The following CRIM1 variants were observed in gnomAD, a reference collection of about 807,000 sequenced individuals.
CRIM1 encodes cysteine rich transmembrane BMP regulator 1, also known as cysteine-rich motor neuron 1 protein.
A neutral mutation model predicts 116.4 loss-of-function variants in CRIM1; 32 were observed. The observed-to-expected ratio is 0.27, with a 90% confidence interval of 0.21 to 0.37. The LOEUF is 0.37. CRIM1 is among the 10% of genes least tolerant of loss of function. CRIM1 has a pLI of 1.00. For synonymous variants in CRIM1, 590 were observed against 509.2 expected, an observed-to-expected ratio of 1.16 and a Z score of -2.13; for missense variants, 1,331 against 1,354.8, an observed-to-expected ratio of 0.98 and a Z score of 0.28.
chr2:36,442,465 G>A lies in CRIM1; in HGVS notation c.749-150G>A, dbSNP rs763636225. On this transcript the variant is annotated intron_variant, in intron 3 of 16. Transcript: ENST00000280527. ...ATTTGAGGAATATTGCAGTTCTATAGCATTAACTGGAGTAACATGTCGACA... is the reference window on the plus strand; with the variant it reads ...ATTTGAGGAATATTGCAGTTCTATAACATTAACTGGAGTAACATGTCGACA... 9.9e-5 allele frequency: 81 copies of A among 822,016 alleles called. No homozygotes were observed. In the Middle Eastern group the frequency reaches 3.4e-3, roughly 35 times the overall value. 50.9% of individuals were successfully genotyped at this position (822,016 alleles called of 1,614,324 possible). A position where few individuals can be genotyped will look rare whatever the true frequency, so the allele number is the denominator to read the frequency against.
chr2:36,363,631 AT>A (rs1241270700), intron 1 of CRIM1, among the ~76,000 whole-genome samples: 1 of 146,504 alleles, frequency 6.8e-6, no homozygotes, highest in Non-Finnish European at 1.5e-5. Flanking sequence ...TTTTGCATTG[AT>A]TTGTAGGAAT....
At position 36,537,414 on chromosome 2, in the gene CRIM1, C is replaced by T. The variant is rs923879556; in HGVS notation, c.2491C>T (p.Arg831Trp). Residue 831 changes from arginine to tryptophan, a missense_variant, in exon 14 of 17, where the codon CGG becomes TGG. This residue lies in a region of CRIM1 where 358 missense variants were observed against 436.1 expected (regional missense o/e 0.82). Transcript: ENST00000280527. ...FSGKAYADEE[R>W]WDLDSCTHCY... ...TGGGAAGGCCTATGCCGACGAGGAGCGGTGGGACCTTGACAGCTGCACCCA... is the reference window on the plus strand; with the variant it reads ...TGGGAAGGCCTATGCCGACGAGGAGTGGTGGGACCTTGACAGCTGCACCCA... 9 of 1,614,204 alleles carry T rather than the reference C, an allele frequency of 5.6e-6. No individual in the cohort carries two copies. Among genetic ancestry groups the T allele is most frequent in the Non-Finnish European group, 6.8e-6 (8 of 1,180,026 alleles).
rs56084308 is a variant in CRIM1, at chr2:36,474,847, C to CAAAAAAAAAAAAAAAAAA, written c.992-2040_992-2023dup. Among the ~76,000 whole-genome samples the CAAAAAAAAAAAAAAAAAA allele has an allele frequency of 3.9e-4, 35 of 90,716 alleles. 2 individuals are homozygous for CAAAAAAAAAAAAAAAAAA. The highest frequency in any genetic ancestry group is 1.3e-3 in the African/African-American group (30 of 22,618). 59.5% of individuals were successfully genotyped at this position (90,716 alleles called of 152,430 possible). ...TGGGTGACAGAGTGAGACTCTATATCAAAAAAAAAAAAAAAAAAAGACTTT... is the reference window on the plus strand; with the variant it reads ...TGGGTGACAGAGTGAGACTCTATATCAAAAAAAAAAAAAAAAAAAAAAAAAAAAAAAAAAAAAGACTTT... On this transcript the variant is annotated intron_variant, in intron 5 of 16. Coordinates refer to ENST00000280527, the MANE Select transcript of CRIM1 (RefSeq NM_016441.3).
chr2:36,456,466 A>G (rs1380108557), intron 4 of CRIM1, among the ~76,000 whole-genome samples: 2 of 152,200 alleles, frequency 1.3e-5, no homozygotes, highest in African/African-American at 4.8e-5. Flanking sequence ...TCCTTTCCAC[A>G]GCGTGATGTG....
intron 1 of CRIM1, among the ~76,000 whole-genome samples, chr2:36,364,802 A>C (rs2148287334): frequency 6.6e-6 from 1 of 152,330 alleles, no homozygotes; most frequent in African/African-American, 2.4e-5. Context: ...AGAGATTTAT[A>C]TATATGATTA....
intron 1 of CRIM1, among the ~76,000 whole-genome samples, chr2:36,363,249 C>G (rs71437551): frequency 2.0e-5 from 3 of 151,462 alleles, no homozygotes; most frequent in African/African-American, 7.3e-5. Flanking sequence ...AATCTGCACT[C>G]TGCTTCTGTG....
intron 4 of CRIM1, among the ~76,000 whole-genome samples, chr2:36,463,871 C>T (rs561249646): frequency 6.6e-6 from 1 of 152,278 alleles, no homozygotes; most frequent in South Asian, 2.1e-4. Flanking sequence ...AGACTTTCAG[C>T]TTCCAAGATA....
chr2:36,359,690 G>A (rs1480751816), intron 1 of CRIM1, among the ~76,000 whole-genome samples: 6 of 152,120 alleles, frequency 3.9e-5, no homozygotes, highest in Non-Finnish European at 2.9e-5. Context: ...TTTCTTTTCC[G>A]CATTGTTTAG....
intron 4 of CRIM1, among the ~76,000 whole-genome samples, chr2:36,443,440 C>T (rs1676010491): frequency 6.6e-6 from 1 of 152,154 alleles, no homozygotes. Flanking sequence ...GTAGGGTTTA[C>T]AGTCTGTTTT....
At chr2:36,451,971 C>A (rs1676766631) in intron 4 of CRIM1, among the ~76,000 whole-genome samples, 1 of 152,136 alleles carries the variant, frequency 6.6e-6, no homozygotes, top group African/African-American at 2.4e-5. Context: ...TTGCTTATAT[C>A]ATGCCTACTC....
chr2:36,383,395 C>T (rs1572606646), intron 1 of CRIM1, among the ~76,000 whole-genome samples: 1 of 152,204 alleles, frequency 6.6e-6, no homozygotes, highest in African/African-American at 2.4e-5. Context: ...GCATCTCAAT[C>T]ATTCCCAAAA....
rs769318074 is a variant in CRIM1, at chr2:36,477,084, G to C, written c.1174+13G>C. ...CCAGTGTGTGAAGGTAAGAAAAGGT[G>C]CTAATTACAGATTAACAGGAGCATA... On this transcript the variant is annotated intron_variant, in intron 6 of 16. Coordinates refer to ENST00000280527, the MANE Select transcript of CRIM1 (RefSeq NM_016441.3). 2 of 1,591,462 alleles carry C rather than the reference G, an allele frequency of 1.3e-6. No homozygotes were observed. Among genetic ancestry groups the C allele is most frequent in the Non-Finnish European group, 1.7e-6 (2 of 1,167,870 alleles).
At chr2:36,538,121 A>C (rs1666684222) in intron 14 of CRIM1, among the ~76,000 whole-genome samples, 1 of 152,124 alleles carries the variant, frequency 6.6e-6, no homozygotes, top group African/African-American at 2.4e-5. Flanking sequence ...GGCTGTTGTG[A>C]ATCCCCATGC....
chr2:36,544,866 G>C (rs998184044), intron 15 of CRIM1, among the ~76,000 whole-genome samples: 1 of 152,152 alleles, frequency 6.6e-6, no homozygotes, highest in East Asian at 1.9e-4. Flanking sequence ...ATTAGTCACT[G>C]TCTCTTGTAG....
chr2:36,451,326 C>A (rs1179812664), intron 4 of CRIM1, among the ~76,000 whole-genome samples: 1 of 152,090 alleles, frequency 6.6e-6, no homozygotes, highest in East Asian at 1.9e-4. Context: ...CATCTGCCCT[C>A]AAGGAAAGAA....
rs779945094 is a variant in CRIM1, at chr2:36,550,307, T to C, written c.*1606T>C. 2.6e-5 allele frequency: 4 copies of C among 152,332 alleles called. No homozygotes were observed. The highest frequency in any genetic ancestry group is 9.7e-5 in the African/African-American group (4 of 41,306). 9.4% of individuals were successfully genotyped at this position (152,332 alleles called of 1,614,324 possible). ...TATTGTCCACAATAAGCTGGAAGTT[T>C]GTTGTAGTATGCCTCAAATATAACT... On this transcript the variant is annotated 3_prime_UTR_variant, in exon 17 of 17. Coordinates refer to ENST00000280527, the MANE Select transcript of CRIM1 (RefSeq NM_016441.3).
At chr2:36,529,160 A>G (rs1309435972) in intron 13 of CRIM1, 1 of 471,350 alleles carries the variant, frequency 2.1e-6, no homozygotes, top group Admixed American at 2.3e-5. Context: ...CAGGAGGCCA[A>G]ACCTGATTTT....
At chr2:36,401,231 AGT>A (rs538604220) in intron 2 of CRIM1, among the ~76,000 whole-genome samples, 123 of 152,326 alleles carry the variant, frequency 8.1e-4, no homozygotes, top group Admixed American at 1.5e-3. Flanking sequence ...AATTTTACTC[AGT>A]GTTTTCTTTT....
intron 2 of CRIM1, among the ~76,000 whole-genome samples, chr2:36,428,720 T>C (rs1179774656): frequency 6.6e-6 from 1 of 152,220 alleles, no homozygotes; most frequent in Non-Finnish European, 1.5e-5. Flanking sequence ...TATTACTTGT[T>C]TGAGTGTTTC....
Sources: allele counts gnomAD v4.1 joint callset (sites outside exome capture counted in the v4.1 genomes callset), GRCh38; gene constraint gnomAD v4.1.1; regional missense constraint gnomAD v4.1.1; transcripts MANE v1.5; gene names NCBI Gene and HGNC (gene_info 2026-07-23, HGNC 2026-07-21).